Variants in FRMD4A observed in about 807,000 individuals in gnomAD.
FRMD4A encodes FERM domain-containing protein 4A.
Under a neutral mutation model 129.1 loss-of-function variants are expected in FRMD4A, and 29 were observed. The observed-to-expected ratio is 0.22, with a 90% CI of 0.17 to 0.31. The LOEUF is 0.31. Ranked by LOEUF, FRMD4A falls within the 10% of genes least tolerant of loss-of-function variation. The pLI is 1.00. For synonymous variants in FRMD4A, 634 were observed against 571.6 expected, an observed-to-expected ratio of 1.11 and a Z score of -1.56; for missense variants, 1,272 against 1,375.8, an observed-to-expected ratio of 0.92 and a Z score of 1.19.
At chr10:14,328,493 TC>T (rs1843375293) in intron 2 of FRMD4A, among the ~76,000 whole-genome samples, 1 of 151,750 alleles carries the variant, frequency 6.6e-6, no homozygotes, top group Non-Finnish European at 1.5e-5. Flanking sequence ...AGAAGAAAGG[TC>T]CAAGTAGGAG....
chr10:13,672,132 G>A (rs1391294128), intron 16 of FRMD4A, among the ~76,000 whole-genome samples: 2 of 152,232 alleles, frequency 1.3e-5, no homozygotes, highest in African/African-American at 2.4e-5. Context: ...CACGTGACAT[G>A]AGCATAAACA....
At chr10:13,693,411 G>T in intron 15 of FRMD4A, 1 of 617,916 alleles carries the variant, frequency 1.6e-6, no homozygotes, top group Non-Finnish European at 2.2e-6. Flanking sequence ...AAAAGGCACT[G>T]AATGGAGAAA....
At chr10:14,177,324 C>T (rs1404634511) in intron 2 of FRMD4A, among the ~76,000 whole-genome samples, 2 of 151,996 alleles carry the variant, frequency 1.3e-5, no homozygotes, top group Non-Finnish European at 2.9e-5. Flanking sequence ...CAGCCTCCAC[C>T]ATGCCCAGCT....
chr10:13,962,447 C>G (rs1413779056), intron 2 of FRMD4A, among the ~76,000 whole-genome samples: 4 of 152,062 alleles, frequency 2.6e-5, no homozygotes, highest in African/African-American at 9.7e-5. Context: ...TTGTCTCTTA[C>G]ATGATGAAAT....
intron 2 of FRMD4A, among the ~76,000 whole-genome samples, chr10:14,217,294 G>A (rs1425371527): frequency 6.6e-6 from 1 of 152,164 alleles, no homozygotes; most frequent in Non-Finnish European, 1.5e-5. Flanking sequence ...ATCTTGAATT[G>A]TAGCTCCCAT....
intron 2 of FRMD4A, among the ~76,000 whole-genome samples, chr10:13,980,528 G>A (rs899952734): frequency 1.9e-4 from 29 of 152,190 alleles, no homozygotes; most frequent in African/African-American, 5.5e-4. Flanking sequence ...CCAGGAGTTC[G>A]AGACCAGCCT....
chr10:14,274,213 G>C (rs1237371867), intron 2 of FRMD4A, among the ~76,000 whole-genome samples: 3 of 152,176 alleles, frequency 2.0e-5, no homozygotes, highest in Non-Finnish European at 2.9e-5. Context: ...TCTCAGGCCT[G>C]GGGCAGCCAC....
rs370710142 is a variant in FRMD4A at position 14,085,307 on chromosome 10, T to A, written c.46-226395A>T. Among the ~76,000 whole-genome samples the A allele has an allele frequency of 1.4e-4, 22 of 152,318 alleles. 1 individual carries two copies. The East Asian group carries it at 3.9e-3, about 27-fold the overall frequency. On this transcript the variant is annotated intron_variant, in intron 2 of 24. Transcript: ENST00000357447. ...ATTCCCTTAAGTCCCAGCTTTGTCA[T>A]CTGAAAATGCCACGGCAGATGCGCA...
At chr10:14,229,499 G>A (rs1413034412) in intron 2 of FRMD4A, among the ~76,000 whole-genome samples, 1 of 152,146 alleles carries the variant, frequency 6.6e-6, no homozygotes, top group East Asian at 1.9e-4. Context: ...TATGATTTGA[G>A]CAATTGTAGC....
At chr10:13,905,910 G>A (rs1376896732) in intron 2 of FRMD4A, among the ~76,000 whole-genome samples, 2 of 152,198 alleles carry the variant, frequency 1.3e-5, no homozygotes, top group Admixed American at 1.3e-4. Flanking sequence ...GGAACCTTGA[G>A]GAAAGAATTG....
At chr10:13,816,341 C>T (rs2093542315) in intron 3 of FRMD4A, among the ~76,000 whole-genome samples, 1 of 152,136 alleles carries the variant, frequency 6.6e-6, no homozygotes, top group South Asian at 2.1e-4. Context: ...TGGCAACAGC[C>T]CAGAAGGTGG....
At chr10:13,987,353 T>C (rs7905922) in intron 2 of FRMD4A, among the ~76,000 whole-genome samples, 3 of 151,884 alleles carry the variant, frequency 2.0e-5, no homozygotes, top group African/African-American at 7.3e-5. Context: ...ACCCCTCCCA[T>C]GAAAAAGTTA....
At chr10:14,307,473 C>T (rs368758359) in intron 2 of FRMD4A, among the ~76,000 whole-genome samples, 23 of 152,350 alleles carry the variant, frequency 1.5e-4, no homozygotes, top group African/African-American at 5.5e-4. Context: ...AGAGCAAATG[C>T]TAAGCCTCTG....
chr10:13,887,670 AAAACC>A (rs1470649491), intron 2 of FRMD4A, among the ~76,000 whole-genome samples: 13 of 152,192 alleles, frequency 8.5e-5, no homozygotes, highest in Non-Finnish European at 1.5e-5. Context: ...AAAACAAAAC[AAAACC>A]AAAACAAAAA....
At chr10:13,792,752 G>A (rs1219382183) in intron 5 of FRMD4A, among the ~76,000 whole-genome samples, 1 of 152,176 alleles carries the variant, frequency 6.6e-6, no homozygotes, top group Non-Finnish European at 1.5e-5. Flanking sequence ...CTGGTGATTT[G>A]CTGGTTGAAA....
intron 2 of FRMD4A, among the ~76,000 whole-genome samples, chr10:14,292,373 G>A (rs960405918): frequency 1.3e-5 from 2 of 152,212 alleles, no homozygotes; most frequent in Non-Finnish European, 2.9e-5. Flanking sequence ...GAAGGATATT[G>A]AAGACCATCA....
At chr10:13,949,918 T>C (rs1018013237) in intron 2 of FRMD4A, among the ~76,000 whole-genome samples, 1 of 152,220 alleles carries the variant, frequency 6.6e-6, no homozygotes, top group African/African-American at 2.4e-5. Flanking sequence ...TCTGTGGGTT[T>C]TTCTCTTTGG....
chr10:13,998,949 C>T (rs2095632447), intron 2 of FRMD4A, among the ~76,000 whole-genome samples: 1 of 152,160 alleles, frequency 6.6e-6, no homozygotes, highest in African/African-American at 2.4e-5. Flanking sequence ...TCATGGCCTG[C>T]ACAGCCTGTG....
In FRMD4A at chr10:13,651,915, G is replaced by A. The variant is rs773696562; in HGVS notation, c.3110C>T (p.Thr1037Ile). 3 of 1,564,772 alleles carry A rather than the reference G, an allele frequency of 1.9e-6. No individual in the cohort carries two copies. The highest frequency in any genetic ancestry group is 1.3e-5 in the African/African-American group (1 of 74,188). ...DGSESPPHQS[T>I]DE ...CCCCTTACGGTACCTCTATTCATCA[G>A]TACTTTGGTGAGGTGGAGACTCAGA... The change falls in exon 24 of 25, where the codon ACT becomes ATT. Residue 1037 changes from threonine (T) to isoleucine (I), a missense_variant. Coordinates refer to ENST00000357447, the MANE Select transcript of FRMD4A (RefSeq NM_018027.5).
Sources: allele counts gnomAD v4.1 joint callset (sites outside exome capture counted in the v4.1 genomes callset), GRCh38; gene constraint gnomAD v4.1.1; transcripts MANE v1.5; gene names NCBI Gene and HGNC (gene_info 2026-07-23, HGNC 2026-07-21).